The following PDS5A variants were observed in gnomAD, a reference collection of about 807,000 sequenced individuals.
PDS5A encodes sister chromatid cohesion protein PDS5 homolog A.
PDS5A carries 42 observed loss-of-function variants against 167.1 expected under a neutral mutation model. The ratio of observed to expected loss-of-function variants is 0.25; its 90% CI spans 0.20 to 0.33. The LOEUF (loss-of-function observed/expected upper bound fraction) is 0.33, where lower values mean the gene tolerates loss of function less well. Ranked by LOEUF, PDS5A falls within the 10% of genes least tolerant of loss-of-function variation. The probability of loss-of-function intolerance (pLI) is 1.00; values close to 1 mark genes in which losing one functional copy is unlikely to be tolerated. For synonymous variants in PDS5A, 553 were observed against 554.6 expected (o/e 1.00, Z 0.04); for missense variants, 1,033 against 1,605.9 (o/e 0.64, Z 6.10).
chr4:39,846,484 G>A (rs1717613286), intron 28 of PDS5A: 1 of 152,228 alleles, frequency 6.6e-6, no homozygotes, highest in Admixed American at 6.5e-5. Context: ...GGTGACAAGA[G>A]TGAAACTCCA....
chr4:39,965,490 A>T (rs1418228987), intron 2 of PDS5A, among the ~76,000 whole-genome samples: 1 of 152,248 alleles, frequency 6.6e-6, no homozygotes, highest in Non-Finnish European at 1.5e-5. Flanking sequence ...ATTGCTAAAA[A>T]GTGGAAACAA....
At chr4:39,971,680 G>A (rs543064920) in intron 2 of PDS5A, among the ~76,000 whole-genome samples, 70 of 152,110 alleles carry the variant, frequency 4.6e-4, no homozygotes, top group Admixed American at 4.0e-3. Flanking sequence ...GGCTGGTCTC[G>A]AACTCCTGAG....
At chr4:39,863,862 G>A (rs1719204538) in intron 23 of PDS5A, among the ~76,000 whole-genome samples, 1 of 152,150 alleles carries the variant, frequency 6.6e-6, no homozygotes, top group Non-Finnish European at 1.5e-5. Flanking sequence ...CAGGCATGGT[G>A]GCTCACACCT....
At chr4:39,958,825 T>A (rs1729210087) in intron 2 of PDS5A, among the ~76,000 whole-genome samples, 1 of 152,104 alleles carries the variant, frequency 6.6e-6, no homozygotes, top group African/African-American at 2.4e-5. Context: ...GCCAGGTTGG[T>A]CTCAAGCTCC....
chr4:39,909,226 A>G (rs1403736497), intron 10 of PDS5A, among the ~76,000 whole-genome samples: 1 of 151,990 alleles, frequency 6.6e-6, no homozygotes, highest in East Asian at 1.9e-4. Flanking sequence ...CCCAGGTTCA[A>G]GCAATTTTCG....
intron 2 of PDS5A, among the ~76,000 whole-genome samples, chr4:39,934,669 T>G (rs1287768218): frequency 6.6e-6 from 1 of 151,290 alleles, no homozygotes; most frequent in Non-Finnish European, 1.5e-5. Context: ...TAAGTTTTTT[T>G]GCCCACAGCT....
chr4:39,897,444 G>A (rs1026314207), intron 16 of PDS5A, among the ~76,000 whole-genome samples: 1 of 152,024 alleles, frequency 6.6e-6, no homozygotes, highest in Non-Finnish European at 1.5e-5. Context: ...TGTCACTCAG[G>A]CTGGTGTGCA....
At chr4:39,962,008 C>A (rs1020096808) in intron 2 of PDS5A, among the ~76,000 whole-genome samples, 3 of 152,110 alleles carry the variant, frequency 2.0e-5, no homozygotes, top group African/African-American at 7.2e-5. Flanking sequence ...TATCCCCATC[C>A]CTTCCTACCC....
At chr4:39,896,790 A>C in intron 16 of PDS5A, among the ~76,000 whole-genome samples, 1 of 151,264 alleles carries the variant, frequency 6.6e-6, no homozygotes, top group East Asian at 2.0e-4. Flanking sequence ...AAGTTTTAAA[A>C]CTTTTTTTTG....
At chr4:39,911,646 C>G (rs1180747383) in intron 9 of PDS5A, among the ~76,000 whole-genome samples, 2 of 151,832 alleles carry the variant, frequency 1.3e-5, no homozygotes, top group Non-Finnish European at 2.9e-5. Context: ...TCCTGGCTAA[C>G]ACGGTGAAAC....
At position 39,842,909 on chromosome 4, in the gene PDS5A, T is replaced by TTTTATATATA. The variant is rs751901010; in HGVS notation, c.3549-854_3549-853insTATATATAAA. On this transcript the variant is annotated intron_variant, in intron 30 of 32. Coordinates refer to ENST00000303538, the MANE Select transcript of PDS5A (RefSeq NM_001100399.2). ...AGAACAATGTAAACTTATCCTATTT[T>TTTTATATATA]TATATATATATATATATATATATAT... is the stretch of plus-strand genomic sequence containing the variant. Among the ~76,000 whole-genome samples, 13 of 92,312 alleles carry TTTTATATATA rather than the reference T, an allele frequency of 1.4e-4. 1 individual carries two copies. The highest frequency in any genetic ancestry group is 4.4e-4 in the African/African-American group (8 of 18,208). 60.6% of individuals were successfully genotyped at this position (92,312 alleles called of 152,430 possible).
intron 2 of PDS5A, among the ~76,000 whole-genome samples, chr4:39,929,436 G>A (rs764745076): frequency 6.7e-6 from 1 of 149,552 alleles, no homozygotes; most frequent in East Asian, 2.0e-4. Context: ...AAGTTCTTCA[G>A]TTTTGGGACT....
chr4:39,919,956 A>G (rs1360304217), intron 7 of PDS5A, among the ~76,000 whole-genome samples: 1 of 151,940 alleles, frequency 6.6e-6, no homozygotes, highest in African/African-American at 2.4e-5. Context: ...AAAAAAAAGG[A>G]AGAAACATTA....
At chr4:39,928,756 C>T (rs1297071204) in intron 2 of PDS5A, among the ~76,000 whole-genome samples, 4 of 149,834 alleles carry the variant, frequency 2.7e-5, no homozygotes, top group African/African-American at 7.4e-5. Flanking sequence ...GCCCAGGAGG[C>T]GGAGGCTGCA....
intron 19 of PDS5A, among the ~76,000 whole-genome samples, chr4:39,875,999 C>G (rs552665074): frequency 1.2e-4 from 19 of 152,018 alleles, no homozygotes; most frequent in African/African-American, 4.6e-4. Flanking sequence ...TTCTGCTTTC[C>G]AGTGATTATC....
At chr4:39,965,337 C>T (rs1247070206) in intron 2 of PDS5A, among the ~76,000 whole-genome samples, 3 of 152,162 alleles carry the variant, frequency 2.0e-5, no homozygotes, top group African/African-American at 7.2e-5. Flanking sequence ...TTAAGTAAAG[C>T]CACTGTGGAT....
intron 22 of PDS5A, chr4:39,868,624 T>C: frequency 2.2e-6 from 1 of 453,320 alleles, no homozygotes; most frequent in Non-Finnish European, 4.4e-6. Context: ...CCACCATGCC[T>C]AGCCCAACTA....
intron 2 of PDS5A, among the ~76,000 whole-genome samples, chr4:39,930,247 G>GTTTTTTTTTTTTTT (rs1258661213): frequency 1.6e-5 from 1 of 61,962 alleles, no homozygotes; most frequent in Non-Finnish European, 3.2e-5. Context: ...AAAAAAAAAA[G>GTTTTTTTTTTTTTT]TTTTTTTGTT....
At chr4:39,866,392 C>T (rs73242422) in intron 23 of PDS5A, among the ~76,000 whole-genome samples, 10,837 of 152,258 alleles carry the variant, frequency 0.071, 480 homozygotes, top group Non-Finnish European at 0.1. Flanking sequence ...GCTGGGATTA[C>T]AGGCATAGGC....
Sources: allele counts gnomAD v4.1 joint callset (sites outside exome capture counted in the v4.1 genomes callset), GRCh38; gene constraint gnomAD v4.1.1; transcripts MANE v1.5; gene names NCBI Gene and HGNC (gene_info 2026-07-23, HGNC 2026-07-21).